The following PTPRT variants were observed in gnomAD, a reference collection of about 807,000 sequenced individuals.
PTPRT encodes receptor-type tyrosine-protein phosphatase T.
Under a neutral mutation model 176.8 loss-of-function variants are expected in PTPRT, and 56 were observed. The observed-to-expected ratio is 0.32, with a 90% CI of 0.26 to 0.40. The LOEUF (loss-of-function observed/expected upper bound fraction) is 0.40, where lower values mean the gene tolerates loss of function less well. Among genes scored for constraint, PTPRT ranks in the 10% least tolerant of loss-of-function variants. The probability of loss-of-function intolerance (pLI) is 1.00; values close to 1 mark genes in which losing one functional copy is unlikely to be tolerated. For synonymous variants in PTPRT, 783 were observed against 739.0 expected, an observed-to-expected ratio of 1.06 and a Z score of -0.96; for missense variants, 1,540 against 1,908.2, an observed-to-expected ratio of 0.81 and a Z score of 3.60.
At chr20:42,410,193 A>G (rs960888765) in intron 9 of PTPRT, among the ~76,000 whole-genome samples, 1 of 152,146 alleles carries the variant, frequency 6.6e-6, no homozygotes, top group Non-Finnish European at 1.5e-5. Flanking sequence ...AAAGCATACC[A>G]TGAAATTCTG....
In PTPRT at chr20:42,587,023, C is replaced by T. The variant is rs537351905; in HGVS notation, c.1153+90843G>A. 2.6e-5 allele frequency among the ~76,000 whole-genome samples: 4 copies of T among 152,254 alleles called. No individual in the cohort carries two copies. The East Asian group carries it at 5.8e-4, about 22-fold the overall frequency. Reference sequence around the variant, plus strand: ...GCTGGGTCCCTGTAAGCTTAGCCTACCTTGCCTGAGAGCCAAGGAAATCCC... The same window carrying T: ...GCTGGGTCCCTGTAAGCTTAGCCTATCTTGCCTGAGAGCCAAGGAAATCCC... On this transcript the variant is annotated intron_variant, in intron 7 of 30. Coordinates refer to ENST00000373187, the MANE Select transcript of PTPRT (RefSeq NM_007050.6).
chr20:42,750,556 G>A (rs986969165), intron 6 of PTPRT, among the ~76,000 whole-genome samples: 6 of 152,146 alleles, frequency 3.9e-5, no homozygotes, highest in African/African-American at 1.2e-4. Flanking sequence ...CCCTTGGTAG[G>A]AAGTCACATC....
intron 1 of PTPRT, among the ~76,000 whole-genome samples, chr20:43,124,646 T>G (rs548884839): frequency 6.6e-6 from 1 of 152,328 alleles, no homozygotes; most frequent in South Asian, 2.1e-4. Context: ...AGAGACAATC[T>G]TTCACGCATT....
At chr20:42,614,433 T>C (rs530487691) in intron 7 of PTPRT, among the ~76,000 whole-genome samples, 1 of 152,288 alleles carries the variant, frequency 6.6e-6, no homozygotes, top group South Asian at 2.1e-4. Flanking sequence ...ACAACTTTCT[T>C]TGAACCTATG....
At chr20:42,199,045 T>G (rs1451943718) in intron 16 of PTPRT, among the ~76,000 whole-genome samples, 195 bp downstream of exon 16, 1 of 152,204 alleles carries the variant, frequency 6.6e-6, no homozygotes, top group East Asian at 1.9e-4. Flanking sequence ...GGGAAGATTT[T>G]TTAAATATTC....
At chr20:42,881,724 C>CAAAAA (rs112191705) in intron 2 of PTPRT, among the ~76,000 whole-genome samples, 2 of 36,708 alleles carry the variant, frequency 5.4e-5, no homozygotes, top group Non-Finnish European at 7.2e-5. Context: ...CACTCTGTCT[C>CAAAAA]AAAAAAAAAA....
intron 2 of PTPRT, among the ~76,000 whole-genome samples, chr20:42,795,568 T>G (rs901544205): frequency 1.3e-5 from 2 of 152,220 alleles, no homozygotes; most frequent in Admixed American, 6.5e-5. Flanking sequence ...GCTGAGGGCC[T>G]TGGGCACCAA....
rs189807277 is a variant in PTPRT, at chr20:42,469,945, C to A, written c.1450+2321G>T. ...ATCTGGGTTCTACTCAGGGTCATAA[C>A]TCTGAAGTATTTAGAACTCGCTTAG... On this transcript the variant is annotated intron_variant, in intron 8 of 30. Coordinates refer to ENST00000373187, the MANE Select transcript of PTPRT (RefSeq NM_007050.6). Among the ~76,000 whole-genome samples the A allele has an allele frequency of 1.1e-4, 17 of 152,208 alleles. No individual in the cohort carries two copies. In the East Asian group the frequency reaches 3.1e-3, roughly 28 times the overall value.
At chr20:42,038,641 T>C in the PTPRT span, among the ~76,000 whole-genome samples, 1 of 152,226 alleles carries the variant, frequency 6.6e-6, no homozygotes, top group Non-Finnish European at 1.5e-5. Context: ...GCTACTCTTT[T>C]CCCACCCTTA....
chr20:43,058,225 G>A (rs1336790447), intron 1 of PTPRT, among the ~76,000 whole-genome samples: 1 of 151,610 alleles, frequency 6.6e-6, no homozygotes, highest in Admixed American at 6.6e-5. Flanking sequence ...AAGAGGGGAG[G>A]AAAAAAAGAG....
intron 2 of PTPRT, among the ~76,000 whole-genome samples, chr20:42,868,483 C>T (rs2078788861): frequency 6.6e-6 from 1 of 152,084 alleles, no homozygotes; most frequent in Non-Finnish European, 1.5e-5. Context: ...GTTGAGGGTG[C>T]TACATGGCTT....
chr20:42,443,296 T>C (rs1378817719), intron 9 of PTPRT, among the ~76,000 whole-genome samples: 1 of 152,232 alleles, frequency 6.6e-6, no homozygotes, highest in Non-Finnish European at 1.5e-5. Context: ...ACATGAATTA[T>C]CTGGGGATCT....
chr20:42,840,153 C>T (rs927223985), intron 2 of PTPRT, among the ~76,000 whole-genome samples: 3 of 152,080 alleles, frequency 2.0e-5, no homozygotes, highest in Non-Finnish European at 4.4e-5. Context: ...CCTAACTTCT[C>T]GTGGTTTGCT....
chr20:42,678,193 T>C (rs758345254), intron 6 of PTPRT, 34 bp from the exon 7 acceptor site: 1 of 1,583,382 alleles, frequency 6.3e-7, no homozygotes, highest in Non-Finnish European at 8.6e-7. Context: ...GACTGTCAGA[T>C]TCAAATGATT....
chr20:42,858,038 A>G (rs991208733), intron 2 of PTPRT, among the ~76,000 whole-genome samples: 2 of 152,178 alleles, frequency 1.3e-5, no homozygotes, highest in Non-Finnish European at 2.9e-5. Context: ...TGCCTGGCAT[A>G]TTACAGGCCC....
At chr20:43,150,678 A>C (rs1225206967) in intron 1 of PTPRT, among the ~76,000 whole-genome samples, 1 of 151,938 alleles carries the variant, frequency 6.6e-6, no homozygotes, top group African/African-American at 2.4e-5. Flanking sequence ...GCTGGTCTTG[A>C]ACTCTTGGCC....
intron 11 of PTPRT, among the ~76,000 whole-genome samples, chr20:42,348,891 C>T (rs1353463794): frequency 1.3e-5 from 2 of 152,146 alleles, no homozygotes; most frequent in Non-Finnish European, 2.9e-5. Context: ...CCTTATCCCT[C>T]CTCATAATTT....
intron 1 of PTPRT, among the ~76,000 whole-genome samples, chr20:42,906,766 A>T (rs992675723): frequency 2.6e-5 from 4 of 152,202 alleles, no homozygotes; most frequent in Non-Finnish European, 5.9e-5. Flanking sequence ...TTCCCGTTTC[A>T]GTCTCACAAT....
intron 1 of PTPRT, among the ~76,000 whole-genome samples, chr20:43,116,485 T>TA (rs2013063006): frequency 6.6e-6 from 1 of 152,208 alleles, no homozygotes; most frequent in Non-Finnish European, 1.5e-5. Context: ...TTATCAGACA[T>TA]ACCTTTGTGA....
Sources: allele counts gnomAD v4.1 joint callset (sites outside exome capture counted in the v4.1 genomes callset), GRCh38; gene constraint gnomAD v4.1.1; transcripts MANE v1.5; gene names NCBI Gene and HGNC (gene_info 2026-07-23, HGNC 2026-07-21).